The following ACTR3 variants were observed in gnomAD, a reference collection of about 807,000 sequenced individuals.
ACTR3 encodes actin related protein 3, also known as actin-related protein 3.
ACTR3 carries 12 observed loss-of-function variants against 56.8 expected under a neutral mutation model. That is an observed-to-expected ratio of 0.21 (90% CI 0.14 to 0.34). ACTR3 has a LOEUF of 0.34. ACTR3 is among the 10% of genes least tolerant of loss of function. The pLI, the probability that ACTR3 is intolerant of heterozygous loss-of-function variation, is 1.00. For synonymous variants in ACTR3, 162 were observed against 167.4 expected (o/e 0.97, Z 0.25); for missense variants, 282 against 512.5 (o/e 0.55, Z 4.34).
intron 3 of ACTR3, among the ~76,000 whole-genome samples, chr2:113,921,181 A>G (rs938084513): frequency 5.3e-5 from 8 of 151,344 alleles, no homozygotes; most frequent in African/African-American, 1.9e-4. Flanking sequence ...GTGAGACGGT[A>G]TTTCTTTCTG....
intron 8 of ACTR3, among the ~76,000 whole-genome samples, chr2:113,946,222 T>C (rs1680016759): frequency 6.6e-6 from 1 of 152,342 alleles, no homozygotes; most frequent in South Asian, 2.1e-4. Flanking sequence ...CCACAATGGT[T>C]GAACTAATTT....
At chr2:113,907,975 CCAAAAAA>C (rs1229226890) in intron 1 of ACTR3, among the ~76,000 whole-genome samples, 1 of 122,236 alleles carries the variant, frequency 8.2e-6, no homozygotes, top group African/African-American at 3.4e-5. Context: ...ACTCTGTCCC[CCAAAAAA>C]AAAAAAAAAA....
At chr2:113,895,493 A>ACC (rs34184995) in intron 1 of ACTR3, among the ~76,000 whole-genome samples, 2 of 152,032 alleles carry the variant, frequency 1.3e-5, no homozygotes, top group South Asian at 2.1e-4. Flanking sequence ...CATCAGAAAC[A>ACC]CCCCATACCC....
chr2:113,906,834 A>T (rs1386294601), intron 1 of ACTR3, among the ~76,000 whole-genome samples: 1 of 152,124 alleles, frequency 6.6e-6, no homozygotes, highest in Non-Finnish European at 1.5e-5. Flanking sequence ...CCAGTACCAT[A>T]CTGTTTTGGT....
intron 1 of ACTR3, among the ~76,000 whole-genome samples, chr2:113,894,980 CA>C (rs35485560): frequency 1.0e-4 from 15 of 149,668 alleles, no homozygotes; most frequent in Admixed American, 4.7e-4. Flanking sequence ...AGAACTCTTA[CA>C]AAAAAAAATC....
chr2:113,948,760 G>C (rs1680065857), intron 8 of ACTR3, among the ~76,000 whole-genome samples: 1 of 151,936 alleles, frequency 6.6e-6, no homozygotes, highest in Non-Finnish European at 1.5e-5. Flanking sequence ...ACTCTCTTCA[G>C]TAGTTATATA....
chr2:113,955,992 AC>A (rs1680204953), intron 11 of ACTR3, among the ~76,000 whole-genome samples: 1 of 152,008 alleles, frequency 6.6e-6, no homozygotes, highest in African/African-American at 2.4e-5. Context: ...GGATCTGCCC[AC>A]CTTGGCCTCC....
At chr2:113,956,796 T>C (rs1432049869) in intron 11 of ACTR3, among the ~76,000 whole-genome samples, 3 of 152,198 alleles carry the variant, frequency 2.0e-5, no homozygotes, top group African/African-American at 7.2e-5. Context: ...GAGGTGAAAG[T>C]TATTTTTTTC....
chr2:113,893,134 C>T (rs949777480), intron 1 of ACTR3, among the ~76,000 whole-genome samples: 1 of 151,976 alleles, frequency 6.6e-6, no homozygotes, highest in African/African-American at 2.4e-5. Flanking sequence ...GAACTCAAAC[C>T]TGCTATTAGT....
At chr2:113,903,129 C>G in intron 1 of ACTR3, among the ~76,000 whole-genome samples, 1 of 152,186 alleles carries the variant, frequency 6.6e-6, no homozygotes, top group Non-Finnish European at 1.5e-5. Context: ...ATACATTGAT[C>G]AACAGCTCTC....
intron 1 of ACTR3, among the ~76,000 whole-genome samples, chr2:113,911,903 A>T (rs762148557): frequency 6.6e-5 from 10 of 151,400 alleles, no homozygotes; most frequent in Non-Finnish European, 7.4e-5. Context: ...TGCCTGGCTA[A>T]TTTTGTATTT....
intron 8 of ACTR3, among the ~76,000 whole-genome samples, chr2:113,945,760 C>T (rs773373966): frequency 2.6e-5 from 4 of 151,894 alleles, no homozygotes; most frequent in African/African-American, 4.8e-5. Flanking sequence ...GTCTAGTATC[C>T]GTTAGCTATG....
intron 3 of ACTR3, among the ~76,000 whole-genome samples, chr2:113,925,378 T>C (rs1300530765): frequency 2.6e-5 from 4 of 151,946 alleles, no homozygotes; most frequent in Non-Finnish European, 4.4e-5. Context: ...GTATTTTTAG[T>C]GGAGACGGGG....
At chr2:113,902,622 C>CA (rs1431541832) in intron 1 of ACTR3, among the ~76,000 whole-genome samples, 2 of 150,950 alleles carry the variant, frequency 1.3e-5, no homozygotes, top group Admixed American at 6.6e-5. Flanking sequence ...TTTTTGGAGA[C>CA]AGAGTCTCGC....
intron 1 of ACTR3, among the ~76,000 whole-genome samples, chr2:113,899,158 T>C (rs1679057138): frequency 6.6e-6 from 1 of 152,194 alleles, no homozygotes; most frequent in African/African-American, 2.4e-5. Context: ...TGGATTTGCT[T>C]ACTGCTTATT....
At position 113,892,609 on chromosome 2, in the gene ACTR3, CT is replaced by C. The variant is rs1182190881; in HGVS notation, c.44+2287del. 2.0e-5 allele frequency among the ~76,000 whole-genome samples: 3 copies of C among 152,288 alleles called. 1 individual carries two copies. The highest frequency in any genetic ancestry group is 2.0e-4 in the Admixed American group (3 of 15,298). On this transcript the variant is annotated intron_variant, in intron 1 of 11. Coordinates refer to ENST00000263238, the MANE Select transcript of ACTR3 (RefSeq NM_005721.5). ...GTTGAGGACCCTGAGATAAACATCT[CT>C]AAGTATGGCCTTAACAGGGAGCTTT...
intron 6 of ACTR3, 55 bp from the exon 7 acceptor site, chr2:113,939,904 A>T: frequency 6.6e-7 from 1 of 1,510,288 alleles, no homozygotes; most frequent in Admixed American, 1.9e-5. Flanking sequence ...TTTTTGGGTT[A>T]TATTAATTTT....
intron 3 of ACTR3, among the ~76,000 whole-genome samples, chr2:113,921,864 G>C (rs1253661506): frequency 6.6e-6 from 1 of 152,160 alleles, no homozygotes; most frequent in Non-Finnish European, 1.5e-5. Flanking sequence ...TAGACGGGTT[G>C]ACATTACCTA....
At chr2:113,901,519 A>G (rs1346092507) in intron 1 of ACTR3, among the ~76,000 whole-genome samples, 1 of 152,246 alleles carries the variant, frequency 6.6e-6, no homozygotes, top group Non-Finnish European at 1.5e-5. Flanking sequence ...CATATCTTAC[A>G]TAAAATTATA....
Sources: gnomAD v4.1 joint callset for allele counts (sites outside exome capture counted in the v4.1 genomes callset) on GRCh38, gnomAD v4.1.1 for gene constraint, MANE v1.5 for transcripts, NCBI Gene and HGNC (gene_info 2026-07-23, HGNC 2026-07-21) for gene names.